The following RBFOX1 variants were observed in gnomAD, a reference collection of about 807,000 sequenced individuals.
RBFOX1 encodes RNA binding fox-1 homolog 1.
RBFOX1 carries 8 observed loss-of-function variants against 57.7 expected under a neutral mutation model. The ratio of observed to expected loss-of-function variants is 0.14; its 90% confidence interval spans 0.08 to 0.25. RBFOX1 has a LOEUF of 0.25. RBFOX1 is among the 10% of genes least tolerant of loss of function. RBFOX1 has a pLI of 1.00. For synonymous variants in RBFOX1, 326 were observed against 222.4 expected (o/e 1.47, Z -4.15); for missense variants, 611 against 548.5 (o/e 1.11, Z -1.14).
intron 11 of RBFOX1, among the ~76,000 whole-genome samples, chr16:7,645,419 C>G (rs551609328): frequency 6.6e-6 from 1 of 152,276 alleles, no homozygotes; most frequent in South Asian, 2.1e-4. Flanking sequence ...TTGTCTTTCC[C>G]CAAATAAATG....
chr16:6,218,153 G>C (rs1186413325), intron 1 of RBFOX1, among the ~76,000 whole-genome samples: 1 of 152,148 alleles, frequency 6.6e-6, no homozygotes, highest in African/African-American at 2.4e-5. Context: ...CAGATCATTT[G>C]TTGAGCCCAC....
chr16:7,615,408 A>G (rs2058281079), intron 10 of RBFOX1, among the ~76,000 whole-genome samples: 1 of 152,212 alleles, frequency 6.6e-6, no homozygotes, highest in Admixed American at 6.5e-5. Context: ...GCCAGAGTTC[A>G]TGTTGAGAAC....
intron 3 of RBFOX1, among the ~76,000 whole-genome samples, chr16:5,741,174 C>T (rs1006759202): frequency 6.6e-6 from 1 of 152,218 alleles, no homozygotes; most frequent in East Asian, 1.9e-4. Flanking sequence ...CTTCCACGAG[C>T]AGAGTCTCAT....
intron 4 of RBFOX1, among the ~76,000 whole-genome samples, chr16:7,216,811 A>T (rs7204741): frequency 0.054 from 8,254 of 152,162 alleles, 744 homozygotes; most frequent in African/African-American, 0.19. Context: ...CCTGGTAGTT[A>T]CTGTTTTTTC....
intron 4 of RBFOX1, among the ~76,000 whole-genome samples, chr16:7,372,478 G>C (rs1277057029): frequency 1.3e-5 from 2 of 152,122 alleles, no homozygotes; most frequent in East Asian, 3.9e-4. Flanking sequence ...GCTCATTGAA[G>C]CCTGTGGCCA....
intron 12 of RBFOX1, 166 bp from the exon 13 acceptor site, chr16:7,664,763 C>T: frequency 1.6e-6 from 2 of 1,257,280 alleles, no homozygotes; most frequent in African/African-American, 1.5e-5. Context: ...TCTCGGTTTG[C>T]TCAACTGCCG....
intron 2 of RBFOX1, among the ~76,000 whole-genome samples, chr16:6,616,472 C>G (rs1390345663): frequency 6.6e-6 from 1 of 151,756 alleles, no homozygotes; most frequent in Non-Finnish European, 1.5e-5. Flanking sequence ...GTCAGGAGAT[C>G]GAGACCATCC....
intron 3 of RBFOX1, among the ~76,000 whole-genome samples, chr16:6,722,334 G>C (rs1324566160): frequency 6.6e-6 from 1 of 152,146 alleles, no homozygotes. Context: ...TTGTTTGCTT[G>C]TTTGTTTTGG....
At chr16:7,222,586 C>A (rs1364401117) in intron 4 of RBFOX1, among the ~76,000 whole-genome samples, 2 of 152,186 alleles carry the variant, frequency 1.3e-5, no homozygotes, top group African/African-American at 2.4e-5. Flanking sequence ...GGCTGTTGTT[C>A]CTGCCTGGGT....
intron 4 of RBFOX1, among the ~76,000 whole-genome samples, chr16:7,448,927 G>GTTTTTTTTTTTTTTTTTTTTTTTT (rs71147700): frequency 1.2e-5 from 1 of 82,964 alleles, no homozygotes; most frequent in African/African-American, 4.6e-5. Context: ...TCTTTCCCCT[G>GTTTTTTTTTTTTTTTTTTTTTTTT]TTTTTTTTTT....
chr16:6,905,552 C>G (rs1396233478), intron 3 of RBFOX1, among the ~76,000 whole-genome samples: 1 of 143,358 alleles, frequency 7.0e-6, no homozygotes, highest in South Asian at 2.3e-4. Flanking sequence ...GACTCCATCT[C>G]AAAAAAAAAA....
intron 5 of RBFOX1, among the ~76,000 whole-genome samples, chr16:7,544,255 G>C (rs985525359): frequency 6.6e-6 from 1 of 152,208 alleles, no homozygotes; most frequent in Non-Finnish European, 1.5e-5. Flanking sequence ...CAAAGGAGAA[G>C]TGAACGTTGG....
At chr16:6,331,334 C>G (rs566045808) in intron 2 of RBFOX1, among the ~76,000 whole-genome samples, 92 of 152,060 alleles carry the variant, frequency 6.1e-4, no homozygotes, top group Non-Finnish European at 9.0e-4. Flanking sequence ...GTAGTCCCAG[C>G]TACTGGGGAG....
At chr16:6,752,275 A>T (rs1308926297) in intron 3 of RBFOX1, among the ~76,000 whole-genome samples, 1 of 152,204 alleles carries the variant, frequency 6.6e-6, no homozygotes, top group African/African-American at 2.4e-5. Flanking sequence ...GAAGTGATAG[A>T]TTGAAATGCA....
intron 3 of RBFOX1, among the ~76,000 whole-genome samples, chr16:6,915,700 A>ATG (rs2072987207): frequency 2.0e-5 from 3 of 151,744 alleles, no homozygotes; most frequent in African/African-American, 7.3e-5. Context: ...ACAGGTGCGC[A>ATG]CCACCATGCC....
At chr16:6,865,703 T>G (rs926860049) in intron 3 of RBFOX1, among the ~76,000 whole-genome samples, 1 of 152,236 alleles carries the variant, frequency 6.6e-6, no homozygotes, top group Non-Finnish European at 1.5e-5. Context: ...TCATTTTACC[T>G]TCTCATTTTG....
rs143172489 is a variant in RBFOX1 at position 6,044,769 on chromosome 16, A to G, written c.-127+24777A>G. Among the ~76,000 whole-genome samples the G allele has an allele frequency of 7.8e-3, 1,189 of 152,358 alleles. 12 individuals are homozygous for G. The highest frequency in any genetic ancestry group is 0.027 in the African/African-American group (1,103 of 41,578). On this transcript the variant is annotated intron_variant, in intron 1 of 15. Coordinates refer to ENST00000550418, the MANE Select transcript of RBFOX1 (RefSeq NM_018723.4). Reference sequence around the variant, plus strand: ...ACACATACCAAGATCCTACAGTGGCATGAGGCGTGAACTCTGAACTGCCTG... The same window carrying G: ...ACACATACCAAGATCCTACAGTGGCGTGAGGCGTGAACTCTGAACTGCCTG...
intron 4 of RBFOX1, among the ~76,000 whole-genome samples, chr16:5,942,212 C>G (rs2059295870): frequency 6.6e-6 from 1 of 152,044 alleles, no homozygotes; most frequent in African/African-American, 2.4e-5. Flanking sequence ...TTTTTTATTA[C>G]TCAAAGCAGC....
At chr16:5,443,336 T>G (rs1236281943) in intron 1 of RBFOX1, among the ~76,000 whole-genome samples, 2 of 152,046 alleles carry the variant, frequency 1.3e-5, no homozygotes, top group Non-Finnish European at 2.9e-5. Flanking sequence ...CATCTGCGTT[T>G]TGGTGTTTTT....
Sources: allele counts gnomAD v4.1 joint callset (sites outside exome capture counted in the v4.1 genomes callset), GRCh38; gene constraint gnomAD v4.1.1; transcripts MANE v1.5; gene names NCBI Gene and HGNC (gene_info 2026-07-23, HGNC 2026-07-21).